The following EMCN variants were observed in gnomAD, a reference collection of about 807,000 sequenced individuals.
EMCN encodes endomucin, also known as MUC-14.
A neutral mutation model predicts 38.4 loss-of-function variants in EMCN; 37 were observed. The observed-to-expected ratio is 0.96, with a 90% CI of 0.74 to 1.27. EMCN has a LOEUF of 1.27. Among genes scored for constraint, EMCN ranks in the 50% most tolerant of loss-of-function variants. EMCN has a pLI of 0.00. For missense variants in EMCN, 318 were observed against 302.8 expected (o/e 1.05, Z -0.37); for synonymous variants, 95 against 100.8 (o/e 0.94, Z 0.35).
intron 5 of EMCN, among the ~76,000 whole-genome samples, chr4:100,429,160 A>C (rs1245733451): frequency 1.3e-5 from 2 of 152,172 alleles, no homozygotes; most frequent in Non-Finnish European, 2.9e-5. Flanking sequence ...GGTGTTGGCC[A>C]CAAGAATGGA....
chr4:100,475,302 T>TACACACACACACAAAC (rs1553930951), intron 2 of EMCN, among the ~76,000 whole-genome samples, 193 bp from the exon 3 acceptor site: 2 of 143,040 alleles, frequency 1.4e-5, no homozygotes, highest in Non-Finnish European at 3.0e-5. Flanking sequence ...TTGGGTGGCC[T>TACACACACACACAAAC]ACACACACAC....
At chr4:100,413,979 C>A (rs953863843) in intron 10 of EMCN, among the ~76,000 whole-genome samples, 1 of 152,152 alleles carries the variant, frequency 6.6e-6, no homozygotes, top group African/African-American at 2.4e-5. Context: ...TTTCCCCAGG[C>A]CTTAGAGTCT....
chr4:100,498,829 T>G (rs747509487), intron 1 of EMCN, among the ~76,000 whole-genome samples: 2 of 152,266 alleles, frequency 1.3e-5, no homozygotes, highest in Non-Finnish European at 2.9e-5. Flanking sequence ...AATGCCTATA[T>G]GTACCAGGGC....
chr4:100,497,464 C>G (rs1294856320), intron 1 of EMCN, among the ~76,000 whole-genome samples: 2 of 151,998 alleles, frequency 1.3e-5, no homozygotes, highest in African/African-American at 4.8e-5. Flanking sequence ...GCAAGCTCCG[C>G]CTCCCAGGTT....
rs1460216415 is a variant in EMCN, at chr4:100,465,239, G to A, written c.376+184C>T. 3.4e-4 allele frequency among the ~76,000 whole-genome samples: 52 copies of A among 152,160 alleles called. 1 individual carries two copies. The highest frequency in any genetic ancestry group is 1.2e-3 in the African/African-American group (48 of 41,526). On this transcript the variant is annotated intron_variant, in intron 4 of 11. Transcript: ENST00000296420. ...CTTCCTTGTGACCCATTCCTTTGTG[G>A]CTGCAGTGGGATAGGGTATCACTGT...
At chr4:100,492,612 C>A (rs1415700273) in intron 1 of EMCN, among the ~76,000 whole-genome samples, 1 of 152,038 alleles carries the variant, frequency 6.6e-6, no homozygotes, top group Non-Finnish European at 1.5e-5. Flanking sequence ...ACATCACAAT[C>A]AAACTACCAA....
chr4:100,417,216 C>T, intron 8 of EMCN, 75 bp from the exon 9 acceptor site: 1 of 1,248,128 alleles, frequency 8.0e-7, no homozygotes, highest in Middle Eastern at 1.9e-4. Context: ...CCCTCTAACC[C>T]CCTCACCTGC....
chr4:100,413,612 G>A (rs75811991), intron 10 of EMCN, among the ~76,000 whole-genome samples: 1 of 152,234 alleles, frequency 6.6e-6, no homozygotes, highest in South Asian at 2.1e-4. Flanking sequence ...GGAGCATTTG[G>A]ATAGCATTAT....
intron 4 of EMCN, among the ~76,000 whole-genome samples, chr4:100,459,000 G>A (rs1728094051): frequency 6.6e-6 from 1 of 151,538 alleles, no homozygotes. Flanking sequence ...AGTTAGAGAA[G>A]CAGGCAAATC....
chr4:100,514,700 A>G (rs1288736106), intron 1 of EMCN, among the ~76,000 whole-genome samples: 5 of 152,102 alleles, frequency 3.3e-5, no homozygotes, highest in African/African-American at 1.2e-4. Flanking sequence ...TTTCTAGACT[A>G]GAATATACCA....
At chr4:100,509,964 A>G (rs1364506083) in intron 1 of EMCN, among the ~76,000 whole-genome samples, 2 of 152,162 alleles carry the variant, frequency 1.3e-5, no homozygotes, top group Non-Finnish European at 2.9e-5. Context: ...TCCCATTGTC[A>G]TGTAACACCA....
intron 1 of EMCN, among the ~76,000 whole-genome samples, chr4:100,491,399 G>A (rs1419153209): frequency 6.6e-6 from 1 of 152,146 alleles, no homozygotes; most frequent in Non-Finnish European, 1.5e-5. Context: ...CCAAGGGAGG[G>A]AGATGACCAT....
rs138066509 is a variant in EMCN, at chr4:100,429,397, G to A, written c.416-5993C>T. 1.3e-3 allele frequency among the ~76,000 whole-genome samples: 203 copies of A among 152,266 alleles called. 2 individuals carry two copies. In the East Asian group the frequency reaches 0.037, roughly 28 times the overall value. On this transcript the variant is annotated intron_variant, in intron 5 of 11. Coordinates refer to ENST00000296420, the MANE Select transcript of EMCN (RefSeq NM_016242.4). The stretch of plus-strand genomic sequence containing the variant: ...TTAGATTCTTTTCAATCTGTGGCTA[G>A]TACGTATTTTCACACACAATGGTGC...
At chr4:100,510,842 C>T (rs1033649138) in intron 1 of EMCN, among the ~76,000 whole-genome samples, 5 of 152,124 alleles carry the variant, frequency 3.3e-5, no homozygotes, top group African/African-American at 1.2e-4. Context: ...CTCTTTGTTT[C>T]TTTCCTTCTT....
At chr4:100,517,119 T>A (rs988345567) in intron 1 of EMCN, among the ~76,000 whole-genome samples, 1 of 152,132 alleles carries the variant, frequency 6.6e-6, no homozygotes, top group Non-Finnish European at 1.5e-5. Context: ...GGGTTAAAAG[T>A]CAAATGTAAA....
intron 1 of EMCN, among the ~76,000 whole-genome samples, chr4:100,491,376 T>C (rs1193499045): frequency 1.3e-5 from 2 of 152,168 alleles, no homozygotes; most frequent in Non-Finnish European, 2.9e-5. Flanking sequence ...TCAAAGTCCA[T>C]CTCCAGTTCT....
At chr4:100,452,909 C>G (rs368857703) in intron 4 of EMCN, among the ~76,000 whole-genome samples, 1 of 151,938 alleles carries the variant, frequency 6.6e-6, no homozygotes, top group Non-Finnish European at 1.5e-5. Context: ...ACAAACCTGA[C>G]AAAAACAAGC....
At chr4:100,403,392 G>A (rs1726310793) in intron 11 of EMCN, among the ~76,000 whole-genome samples, 3 of 151,938 alleles carry the variant, frequency 2.0e-5, no homozygotes, top group Admixed American at 1.3e-4. Flanking sequence ...TTATATGGCT[G>A]CATAGTATTC....
chr4:100,441,807 T>G (rs145471047), intron 5 of EMCN, among the ~76,000 whole-genome samples: 2 of 152,320 alleles, frequency 1.3e-5, no homozygotes, highest in African/African-American at 4.8e-5. Context: ...GCTTTTGATG[T>G]CACAATTTTC....
Sources: allele counts gnomAD v4.1 joint callset (sites outside exome capture counted in the v4.1 genomes callset), GRCh38; gene constraint gnomAD v4.1.1; transcripts MANE v1.5; gene names NCBI Gene and HGNC (gene_info 2026-07-23, HGNC 2026-07-21).